ZNF597: variants seen among roughly 807,000 people sequenced by gnomAD.
ZNF597 encodes the protein zinc finger protein 597.
ZNF597 carries 5 observed loss-of-function variants against 7.3 expected under a neutral mutation model. The observed-to-expected ratio is 0.68, with a 90% CI of 0.36 to 1.44. The LOEUF (loss-of-function observed/expected upper bound fraction) is 1.44, where lower values mean the gene tolerates loss of function less well. ZNF597 is among the 40% of genes most tolerant of loss of function. ZNF597 has a pLI of 0.04. For synonymous variants in ZNF597, 209 were observed against 185.4 expected (o/e 1.13, Z -1.04); for missense variants, 585 against 517.9 (o/e 1.13, Z -1.26).
chr16:3,443,241 A>G (rs2034420833), intron 1 of ZNF597, 35 bp from the exon 2 acceptor site: 1 of 1,364,960 alleles, frequency 7.3e-7, no homozygotes, highest in African/African-American at 1.5e-5. Flanking sequence ...AAAGGGACCA[A>G]TTCCGCTGCC....
chr16:3,441,758 C>G (rs2034376147), intron 2 of ZNF597, among the ~76,000 whole-genome samples: 1 of 148,582 alleles, frequency 6.7e-6, no homozygotes, highest in Non-Finnish European at 1.5e-5. Context: ...CACTCCATCT[C>G]AAAAACAAAA....
chr16:3,442,047 G>A (rs1051783501), intron 2 of ZNF597, among the ~76,000 whole-genome samples: 6 of 151,008 alleles, frequency 4.0e-5, no homozygotes, highest in Non-Finnish European at 7.4e-5. Flanking sequence ...AAGAGATAAA[G>A]GTTACAGGAT....
In ZNF597 at chr16:3,433,507, C is replaced by A. The variant is rs1267079118; in HGVS notation, c.*2917G>T. On this transcript the variant is annotated 3_prime_UTR_variant, in exon 4 of 4. Coordinates refer to ENST00000301744, the MANE Select transcript of ZNF597 (RefSeq NM_152457.3). ...AATGCAGTTAACCAATCATTCATAG[C>A]AATAAACTCTTGCATTTAGTTTTTC... 2 of 152,208 alleles carry A rather than the reference C, an allele frequency of 1.3e-5. No homozygotes were observed. Among genetic ancestry groups the A allele is most frequent in the Non-Finnish European group, 2.9e-5 (2 of 68,030 alleles). The allele number at this position is 152,208 out of a possible 1,614,324, so 9.4% of individuals were successfully genotyped here. A position where few individuals can be genotyped will look rare whatever the true frequency, so the allele number is the denominator to read the frequency against.
At position 3,436,450 on chromosome 16, in the gene ZNF597, G is replaced by A. The variant is rs1188049634; in HGVS notation, c.1249C>T (p.Arg417Ter). 5.0e-6 allele frequency: 8 copies of A among 1,613,344 alleles called. No homozygotes were observed. Among genetic ancestry groups the A allele is most frequent in the Admixed American group, 1.7e-5 (1 of 59,910 alleles). The change falls in exon 4 of 4, where the codon CGA becomes TGA. Residue 417 changes from arginine to a stop codon, truncating the protein, a stop_gained. Transcript: ENST00000301744. LOFTEE classifies it high-confidence loss of function. ...KSNLHLITHK[R>*]THIKNTT is the part of the protein sequence containing the mutation. ...TACGTGGTGTTTTTTATGTGAGTTC[G>A]CTTATGAGTAATGAGATGCAAATTC... is the stretch of plus-strand genomic sequence containing the variant.
rs756133576 is a variant in ZNF597, at chr16:3,436,752, T to A, written c.947A>T (p.Lys316Met). 6.2e-7 allele frequency: 1 copy of A among 1,613,914 alleles called. No homozygotes were observed. Among genetic ancestry groups the A allele is most frequent in the South Asian group, 1.1e-5 (1 of 91,084 alleles). Residue 316 changes from lysine to methionine, a missense_variant, in exon 4 of 4, where the codon AAG becomes ATG. Lys to Met is a moderately conservative substitution (Grantham distance 95). Transcript: ENST00000301744. ...GCGTTCAGAGTCCTCGTCGTGGCTC[T>A]TCTCGGAAAGGGCAGGATATAAGGA... ...RQSLYPALSE[K>M]SHDEDSERCS...
intron 2 of ZNF597, among the ~76,000 whole-genome samples, chr16:3,441,993 A>C (rs1347976376): frequency 6.6e-6 from 1 of 151,148 alleles, no homozygotes; most frequent in Non-Finnish European, 1.5e-5. Context: ...AAAAAAAAAA[A>C]AGAAAAGAAA....
At position 3,437,414 on chromosome 16, in the gene ZNF597, C is replaced by G; in HGVS notation, c.285G>C (p.Glu95Asp). The G allele has an allele frequency of 6.2e-7, 1 of 1,614,102 alleles. No individual in the cohort carries two copies. Among genetic ancestry groups the G allele is most frequent in the African/African-American group, 1.3e-5 (1 of 75,004 alleles). Reference sequence around the variant, plus strand: ...TCGCTTCAGGGTTTCCAACTCCATCCTCAGAGGATTTTTCTGGGTAAGGGA... The same window carrying G: ...TCGCTTCAGGGTTTCCAACTCCATCGTCAGAGGATTTTTCTGGGTAAGGGA... The part of the protein sequence containing the change: ...PLVPYPEKSS[E>D]DGVGNPEAKI... Residue 95 changes from glutamate to aspartate, a missense_variant, in exon 4 of 4, where the codon GAG becomes GAC. Glu to Asp is a conservative substitution (Grantham distance 45). Transcript: ENST00000301744.
At chr16:3,442,280 T>C (rs1203856394) in intron 2 of ZNF597, among the ~76,000 whole-genome samples, 2 of 152,038 alleles carry the variant, frequency 1.3e-5, no homozygotes, top group African/African-American at 4.8e-5. Context: ...TTGGGAACCA[T>C]TCCAGAAAGT....
At chr16:3,438,881 A>C (rs2034334068) in intron 3 of ZNF597, among the ~76,000 whole-genome samples, 1 of 152,234 alleles carries the variant, frequency 6.6e-6, no homozygotes, top group South Asian at 2.1e-4. Context: ...AGAGAAACAA[A>C]GTTCTACAGT....
intron 3 of ZNF597, among the ~76,000 whole-genome samples, chr16:3,437,777 G>C (rs79216628): frequency 6.6e-6 from 1 of 152,278 alleles, no homozygotes; most frequent in East Asian, 1.9e-4. Context: ...TCAGAGTCCA[G>C]TGGGATAGGT....
intron 3 of ZNF597, among the ~76,000 whole-genome samples, chr16:3,438,011 G>A (rs1164883402): frequency 1.3e-5 from 2 of 152,158 alleles, no homozygotes; most frequent in African/African-American, 4.8e-5. Context: ...AGCATCACTT[G>A]AGGCTAGGAG....
chr16:3,440,972 G>A lies in ZNF597; in HGVS notation c.34-39C>T, dbSNP rs762806919. ...GCCTGTGTCAGCACAAGAGGGTGGA[G>A]GGTCAGCCCCTCACTTAACCTAGGA... is the stretch of plus-strand genomic sequence containing the variant. On this transcript the variant is annotated intron_variant, in intron 2 of 3. Coordinates refer to ENST00000301744, the MANE Select transcript of ZNF597 (RefSeq NM_152457.3). The A allele has an allele frequency of 2.5e-6, 4 of 1,600,338 alleles. No individual in the cohort carries two copies. In the African/African-American group the frequency reaches 4.0e-5, roughly 16 times the overall value.
chr16:3,440,691 C>T (rs1004751465), intron 3 of ZNF597, 116 bp downstream of exon 3: 3 of 1,324,820 alleles, frequency 2.3e-6, no homozygotes, highest in South Asian at 2.8e-5. Flanking sequence ...TTATCACCTC[C>T]ACATAAATTA....
chr16:3,441,990 A>G (rs1205641560), intron 2 of ZNF597, among the ~76,000 whole-genome samples: 5 of 151,616 alleles, frequency 3.3e-5, no homozygotes, highest in Non-Finnish European at 4.4e-5. Flanking sequence ...AAAAAAAAAA[A>G]AAAAGAAAAG....
chr16:3,440,477 AC>A, intron 3 of ZNF597, among the ~76,000 whole-genome samples: 1 of 152,306 alleles, frequency 6.6e-6, no homozygotes, highest in East Asian at 1.9e-4. Flanking sequence ...TACTAAAAAT[AC>A]AAAAAATTAG....
Position 3,443,384 on chromosome 16 carries a change from C to G in ZNF597, c.-78G>C. On this transcript the variant is annotated 5_prime_UTR_variant, in exon 1 of 4. Transcript: ENST00000301744. ...CCGCTCCGCGGTTAATAACAGGCCT[C>G]GCGCTCCCTGACAGGAGCTGCAGAA... 1.8e-6 allele frequency: 1 copy of G among 553,396 alleles called. No individual in the cohort carries two copies. Among genetic ancestry groups the G allele is most frequent in the Non-Finnish European group, 3.1e-6 (1 of 319,046 alleles). 34.3% of individuals were successfully genotyped at this position (553,396 alleles called of 1,614,324 possible).
rs749159753 is a variant in ZNF597 at position 3,437,273 on chromosome 16, A to G, written c.426T>C (p.Ser142=). ...CTTCCCAGGGAGAATCAAGAATTTC[A>G]GAAAGTGTGTTGGTTCCTAAATATT... The part of the protein sequence containing the change: ...LSEYLGTNTL[S]EILDSPWEGA... The change falls in exon 4 of 4, where the codon TCT becomes TCC. Residue 142 remains serine, a synonymous_variant. Coordinates refer to ENST00000301744, the MANE Select transcript of ZNF597 (RefSeq NM_152457.3). 3.1e-6 allele frequency: 5 copies of G among 1,614,122 alleles called. No individual in the cohort carries two copies. In the African/African-American group the frequency reaches 6.7e-5, roughly 22 times the overall value.
At chr16:3,442,146 C>T (rs2034389448) in intron 2 of ZNF597, among the ~76,000 whole-genome samples, 1 of 152,182 alleles carries the variant, frequency 6.6e-6, no homozygotes, top group Non-Finnish European at 1.5e-5. Context: ...AGGCCTACCC[C>T]ACCTTCTCTA....
chr16:3,439,709 A>T (rs1308436613), intron 3 of ZNF597, among the ~76,000 whole-genome samples: 4 of 152,186 alleles, frequency 2.6e-5, no homozygotes, highest in Admixed American at 1.3e-4. Flanking sequence ...AAATATTTTT[A>T]AAAATACAAC....
Sources: allele counts gnomAD v4.1 joint callset (sites outside exome capture counted in the v4.1 genomes callset), GRCh38; gene constraint gnomAD v4.1.1; transcripts MANE v1.5; gene names NCBI Gene and HGNC (gene_info 2026-07-23, HGNC 2026-07-21).